PDZRN4: variants seen among roughly 807,000 people sequenced by gnomAD.
PDZRN4 encodes the protein PDZ domain-containing RING finger protein 4.
In PDZRN4, 70 loss-of-function variants were observed where a neutral mutation model predicts 99.0. The observed-to-expected ratio is 0.71, with a 90% confidence interval of 0.58 to 0.86. The LOEUF is 0.86. Among genes scored for constraint, PDZRN4 ranks in the 40% least tolerant of loss-of-function variants. The probability of loss-of-function intolerance (pLI) is 0.00; values close to 1 mark genes in which losing one functional copy is unlikely to be tolerated. For missense variants in PDZRN4, 1,474 were observed against 1,331.2 expected (o/e 1.11, Z -1.67); for synonymous variants, 551 against 501.6 (o/e 1.10, Z -1.32).
At chr12:41,433,014 G>A (rs543793725) in intron 3 of PDZRN4, among the ~76,000 whole-genome samples, 339 of 152,296 alleles carry the variant, frequency 2.2e-3, no homozygotes, top group Non-Finnish European at 3.1e-3. Context: ...GGTCATCCTA[G>A]TGTGTGTTCA....
At chr12:41,382,774 T>C (rs1565567784) in intron 3 of PDZRN4, among the ~76,000 whole-genome samples, 1 of 152,222 alleles carries the variant, frequency 6.6e-6, no homozygotes, top group African/African-American at 2.4e-5. Context: ...ACTATTCTTT[T>C]AATTTATATC....
At chr12:41,366,193 A>G (rs1490061188) in intron 3 of PDZRN4, among the ~76,000 whole-genome samples, 1 of 152,192 alleles carries the variant, frequency 6.6e-6, no homozygotes, top group Non-Finnish European at 1.5e-5. Flanking sequence ...CCTAATTTGC[A>G]GAAATAAATC....
intron 3 of PDZRN4, among the ~76,000 whole-genome samples, chr12:41,419,752 C>T (rs1483504583): frequency 6.6e-6 from 1 of 152,028 alleles, no homozygotes; most frequent in African/African-American, 2.4e-5. Context: ...AAATAAGAGT[C>T]TATATCGGTT....
At chr12:41,398,813 A>G (rs1034564448) in intron 3 of PDZRN4, among the ~76,000 whole-genome samples, 12 of 152,160 alleles carry the variant, frequency 7.9e-5, no homozygotes, top group African/African-American at 2.9e-4. Flanking sequence ...AAATTACAAT[A>G]GTGTCTAATG....
chr12:41,472,462 A>T (rs956443539), intron 3 of PDZRN4, among the ~76,000 whole-genome samples: 2 of 152,126 alleles, frequency 1.3e-5, no homozygotes, highest in African/African-American at 4.8e-5. Flanking sequence ...AAAGTAATTA[A>T]TTTTCTCTGA....
intron 3 of PDZRN4, among the ~76,000 whole-genome samples, chr12:41,295,890 T>C (rs1294837415): frequency 2.6e-5 from 4 of 152,100 alleles, no homozygotes; most frequent in South Asian, 4.1e-4. Context: ...AAATCAGCAG[T>C]TTACAAATGG....
At chr12:41,276,092 A>G (rs950142879) in intron 3 of PDZRN4, among the ~76,000 whole-genome samples, 2 of 152,144 alleles carry the variant, frequency 1.3e-5, no homozygotes, top group African/African-American at 4.8e-5. Flanking sequence ...AGCCTAGGAC[A>G]TTCTCGATAG....
chr12:41,508,636 A>G (rs887262742), intron 4 of PDZRN4, among the ~76,000 whole-genome samples: 2 of 152,204 alleles, frequency 1.3e-5, no homozygotes, highest in Non-Finnish European at 2.9e-5. Flanking sequence ...ATGCGGACCC[A>G]GTCCAGCTAT....
At chr12:41,325,483 AATAAG>A (rs546306871) in intron 3 of PDZRN4, among the ~76,000 whole-genome samples, 17 of 152,320 alleles carry the variant, frequency 1.1e-4, no homozygotes, top group Admixed American at 2.6e-4. Flanking sequence ...TCTCTGAGGA[AATAAG>A]ATAAGACGGG....
intron 3 of PDZRN4, among the ~76,000 whole-genome samples, chr12:41,405,005 A>G (rs965216604): frequency 4.6e-5 from 7 of 152,254 alleles, no homozygotes; most frequent in African/African-American, 1.7e-4. Context: ...CCCAAACTAT[A>G]AAAATCCTAG....
At chr12:41,500,029 C>T (rs1323437987) in intron 3 of PDZRN4, among the ~76,000 whole-genome samples, 1 of 151,860 alleles carries the variant, frequency 6.6e-6, no homozygotes, top group African/African-American at 2.4e-5. Context: ...ATAGGTTAGG[C>T]AACAGTCTTT....
intron 3 of PDZRN4, among the ~76,000 whole-genome samples, chr12:41,422,803 T>A (rs1312776972): frequency 1.3e-5 from 2 of 152,170 alleles, no homozygotes; most frequent in African/African-American, 4.8e-5. Flanking sequence ...CCATTACTAA[T>A]GTCCCAAATT....
At chr12:41,451,101 A>G (rs1952770688) in intron 3 of PDZRN4, among the ~76,000 whole-genome samples, 1 of 151,998 alleles carries the variant, frequency 6.6e-6, no homozygotes. Context: ...AGTTAATAGA[A>G]TTGAGAGAAA....
Position 41,552,733 on chromosome 12 carries a change from C to T in PDZRN4, c.1281C>T (p.Asp427=). ...TVCYRTDDEE[D]TGIYVSEVDP... Reference sequence around the variant, plus strand: ...GTTACCGAACAGATGATGAAGAAGACACCGGCATTTATGTCAGCGAGGTAA... The same window carrying T: ...GTTACCGAACAGATGATGAAGAAGATACCGGCATTTATGTCAGCGAGGTAA... Residue 427 remains aspartate, a synonymous_variant, in exon 6 of 10, where the codon GAC becomes GAT. Coordinates refer to ENST00000402685, the MANE Select transcript of PDZRN4 (RefSeq NM_001164595.2). 6.2e-7 allele frequency: 1 copy of T among 1,613,498 alleles called. No individual in the cohort carries two copies. The highest frequency in any genetic ancestry group is 8.5e-7 in the Non-Finnish European group (1 of 1,179,560).
At chr12:41,529,501 A>G (rs576448466) in intron 5 of PDZRN4, among the ~76,000 whole-genome samples, 1 of 152,208 alleles carries the variant, frequency 6.6e-6, no homozygotes, top group African/African-American at 2.4e-5. Flanking sequence ...CATCAGACAC[A>G]CACATTTATG....
At chr12:41,432,482 A>G (rs1952593424) in intron 3 of PDZRN4, among the ~76,000 whole-genome samples, 1 of 152,214 alleles carries the variant, frequency 6.6e-6, no homozygotes, top group African/African-American at 2.4e-5. Flanking sequence ...CAACTCAGGC[A>G]TGCTGTCATC....
At chr12:41,243,746 T>C (rs1024784460) in intron 3 of PDZRN4, among the ~76,000 whole-genome samples, 3 of 152,230 alleles carry the variant, frequency 2.0e-5, no homozygotes, top group Non-Finnish European at 4.4e-5. Context: ...GGGATAGCAC[T>C]GCCTGATAGC....
chr12:41,401,487 C>CCATTAA (rs1409767799), intron 3 of PDZRN4, among the ~76,000 whole-genome samples: 3 of 152,140 alleles, frequency 2.0e-5, no homozygotes, highest in Non-Finnish European at 4.4e-5. Context: ...CATTTACTAT[C>CCATTAA]CATTAATTAT....
chr12:41,412,433 T>C (rs147576725), intron 3 of PDZRN4: 218 of 146,960 alleles, frequency 1.5e-3, no homozygotes, highest in African/African-American at 5.4e-3. Context: ...CCATGGCTGA[T>C]ATATGGAGTC....
Sources: allele counts gnomAD v4.1 joint callset (sites outside exome capture counted in the v4.1 genomes callset), GRCh38; gene constraint gnomAD v4.1.1; transcripts MANE v1.5; gene names NCBI Gene and HGNC (gene_info 2026-07-23, HGNC 2026-07-21).